PIK3C2G: variants seen among roughly 807,000 people sequenced by gnomAD.
PIK3C2G encodes phosphatidylinositol 3-kinase C2 domain-containing subunit gamma.
A neutral mutation model predicts 181.1 loss-of-function variants in PIK3C2G; 168 were observed. That is an observed-to-expected ratio of 0.93 (90% confidence interval 0.82 to 1.05). The LOEUF (loss-of-function observed/expected upper bound fraction) is 1.05, where lower values mean the gene tolerates loss of function less well. Ranked by LOEUF, PIK3C2G falls within the 50% of genes least tolerant of loss-of-function variation. The probability of loss-of-function intolerance (pLI) is 0.00; values close to 1 mark genes in which losing one functional copy is unlikely to be tolerated. For missense variants in PIK3C2G, 1,869 were observed against 1,732.8 expected, an observed-to-expected ratio of 1.08 and a Z score of -1.40; for synonymous variants, 573 against 592.2, an observed-to-expected ratio of 0.97 and a Z score of 0.47.
At chr12:18,719,543 CT>C in the PIK3C2G span, 1 of 1,599,246 alleles carries the variant, frequency 6.3e-7, no homozygotes, top group Non-Finnish European at 8.5e-7. Context: ...TCTTGATAAA[CT>C]TTTCTACATT....
chr12:18,613,468 C>T (rs1948445558), intron 31 of PIK3C2G, among the ~76,000 whole-genome samples: 1 of 152,014 alleles, frequency 6.6e-6, no homozygotes, highest in African/African-American at 2.4e-5. Flanking sequence ...CAAGAACCCC[C>T]CCACACACTA....
intron 11 of PIK3C2G, chr12:18,358,461 T>C: frequency 4.2e-6 from 1 of 238,746 alleles, no homozygotes; most frequent in Non-Finnish European, 8.5e-6. Flanking sequence ...CATCAAAGTA[T>C]CAAGGAAAAC....
chr12:18,468,776 A>G (rs1404366140), intron 18 of PIK3C2G, among the ~76,000 whole-genome samples: 3 of 152,118 alleles, frequency 2.0e-5, no homozygotes, highest in African/African-American at 7.2e-5. Context: ...TAATGACTGT[A>G]AGTGCCTCTG....
chr12:18,379,869 A>C (rs981578869), intron 13 of PIK3C2G, among the ~76,000 whole-genome samples: 1 of 152,098 alleles, frequency 6.6e-6, no homozygotes, highest in Non-Finnish European at 1.5e-5. Flanking sequence ...CCTTATCCCC[A>C]CCAGGGAAAC....
chr12:18,448,504 G>T (rs7308591), intron 18 of PIK3C2G, among the ~76,000 whole-genome samples: 29,448 of 151,924 alleles, frequency 0.19, 3,951 homozygotes, highest in African/African-American at 0.38. Context: ...GACTTATGCA[G>T]CATATACAAC....
rs1943516384 is a variant in PIK3C2G, at chr12:18,391,263, TAGG to T, written c.2126+12_2126+14del. 1 of 1,549,942 alleles carries T rather than the reference TAGG, an allele frequency of 6.5e-7. No homozygotes were observed. The highest frequency in any genetic ancestry group is 1.3e-5 in the South Asian group (1 of 78,730). ...ACAGACTCCCCTACTGTAAGTGACC[TAGG>T]TCTTGTGAATGAATTTTTGCCTGCT... On this transcript the variant is annotated intron_variant, in intron 15 of 32. Transcript: ENST00000538779.
rs866374517 is a variant in PIK3C2G at position 18,291,006 on chromosome 12, C to T, written c.913C>T (p.Pro305Ser). Residue 305 changes from proline to serine, a missense_variant, in exon 4 of 33, where the codon CCA (proline) becomes TCA (serine). By Grantham distance (74) the Pro-to-Ser change is moderately conservative. Coordinates refer to ENST00000538779, the MANE Select transcript of PIK3C2G (RefSeq NM_001288772.2). ...CTCAACACAACCTCTTCATTTTATG[C>T]CATGTGGTAAGCAACCTTGCAAATA... ...DNSTQPLHFMPCANYLVKDLI... is the reference protein window; with the variant it reads ...DNSTQPLHFMSCANYLVKDLI... 6.3e-7 allele frequency: 1 copy of T among 1,594,038 alleles called. No individual in the cohort carries two copies. The highest frequency in any genetic ancestry group is 8.6e-7 in the Non-Finnish European group (1 of 1,164,364).
chr12:18,574,369 A>G (rs1946126464), intron 29 of PIK3C2G, among the ~76,000 whole-genome samples: 1 of 152,212 alleles, frequency 6.6e-6, no homozygotes, highest in African/African-American at 2.4e-5. Context: ...TAACGCGACT[A>G]GTCAATAAGC....
intron 18 of PIK3C2G, among the ~76,000 whole-genome samples, chr12:18,429,074 TTTAA>T (rs895843681): frequency 6.6e-6 from 1 of 152,098 alleles, no homozygotes; most frequent in Non-Finnish European, 1.5e-5. Context: ...GACGATAGAA[TTTAA>T]TTAAAGATCT....
At chr12:18,695,756 T>C in the PIK3C2G span, among the ~76,000 whole-genome samples, 1 of 152,146 alleles carries the variant, frequency 6.6e-6, no homozygotes, top group Admixed American at 6.6e-5. Context: ...TTATTCACTT[T>C]TCAAAACTAT....
At chr12:18,428,925 CT>C (rs145377414) in intron 18 of PIK3C2G, among the ~76,000 whole-genome samples, 2,187 of 152,246 alleles carry the variant, frequency 0.014, 31 homozygotes, top group Non-Finnish European at 0.022. Context: ...TGTAGTGCCC[CT>C]TTCCATTTGG....
the PIK3C2G span, among the ~76,000 whole-genome samples, chr12:18,664,859 G>T: frequency 0.12 from 18,632 of 151,376 alleles, 1,343 homozygotes; most frequent in African/African-American, 0.2. Flanking sequence ...CCTTTGTAGG[G>T]ACATGGATGA....
chr12:18,307,234 A>C (rs1010302762), intron 5 of PIK3C2G, among the ~76,000 whole-genome samples: 12 of 151,456 alleles, frequency 7.9e-5, no homozygotes, highest in Non-Finnish European at 1.5e-4. Flanking sequence ...GCTAGAATTC[A>C]GCCTCTTAGT....
At chr12:18,410,265 C>T (rs534204516) in intron 16 of PIK3C2G, among the ~76,000 whole-genome samples, 84 of 152,092 alleles carry the variant, frequency 5.5e-4, no homozygotes, top group Admixed American at 1.2e-3. Flanking sequence ...TTTGGGAGGC[C>T]GAGGTGAGGT....
At chr12:18,705,263 TG>T in the PIK3C2G span, 1 of 1,614,092 alleles carries the variant, frequency 6.2e-7, no homozygotes, top group Admixed American at 1.7e-5. Flanking sequence ...TACTTCTTGT[TG>T]GGCAGTGGAG....
At chr12:18,371,754 C>A (rs1251388901) in intron 13 of PIK3C2G, among the ~76,000 whole-genome samples, 1 of 152,062 alleles carries the variant, frequency 6.6e-6, no homozygotes, top group Admixed American at 6.6e-5. Context: ...GTGATATTTT[C>A]CAGAAAACTA....
rs1370662331 is a variant in PIK3C2G, at chr12:18,371,156, G to T, written c.1749-24G>T. 3.2e-6 allele frequency: 5 copies of T among 1,581,810 alleles called. No homozygotes were observed. In the African/African-American group the frequency reaches 4.0e-5, roughly 13 times the overall value. Reference sequence around the variant, plus strand: ...ATATCAGTACAATTGGGTAGGTAATGCTTCTTCTTTCTTTTATTCTCAGGA... The same window carrying T: ...ATATCAGTACAATTGGGTAGGTAATTCTTCTTCTTTCTTTTATTCTCAGGA... On this transcript the variant is annotated intron_variant, in intron 12 of 32. Transcript: ENST00000538779.
chr12:18,378,808 A>C (rs568737508), intron 13 of PIK3C2G, among the ~76,000 whole-genome samples: 24 of 152,336 alleles, frequency 1.6e-4, no homozygotes, highest in Admixed American at 1.2e-3. Context: ...TCAAAACCAC[A>C]ATGAGATACC....
rs572942712 is a variant in PIK3C2G at position 18,517,363 on chromosome 12, A to G, written c.3323+11902A>G. Among the ~76,000 whole-genome samples, 7 of 152,296 alleles carry G rather than the reference A, an allele frequency of 4.6e-5. No individual in the cohort carries two copies. The East Asian group carries it at 1.3e-3, about 29-fold the overall frequency. ...ACGATATTGATTCTTTCTATCCATG[A>G]GGATGGGATGTTTTTCCATTTGTTT... is the stretch of plus-strand genomic sequence containing the variant. On this transcript the variant is annotated intron_variant, in intron 24 of 32. Transcript: ENST00000538779.
Sources: gnomAD v4.1 joint callset for allele counts (sites outside exome capture counted in the v4.1 genomes callset) on GRCh38, gnomAD v4.1.1 for gene constraint, MANE v1.5 for transcripts, NCBI Gene and HGNC (gene_info 2026-07-23, HGNC 2026-07-21) for gene names.